DENND1A: variants seen among roughly 807,000 people sequenced by gnomAD.
The protein encoded by DENND1A is DENN domain containing 1A, also known as DENN domain-containing protein 1A.
In DENND1A, 51 loss-of-function variants were observed where a neutral mutation model predicts 113.7. That is an observed-to-expected ratio of 0.45 (90% confidence interval 0.36 to 0.57). The LOEUF is 0.57. DENND1A is among the 20% of genes least tolerant of loss of function. The pLI, the probability that DENND1A is intolerant of heterozygous loss-of-function variation, is 0.00. For synonymous variants in DENND1A, 565 were observed against 570.8 expected (o/e 0.99, Z 0.14); for missense variants, 1,258 against 1,395.9 (o/e 0.90, Z 1.57).
chr9:123,916,441 C>T (rs1341568483), intron 1 of DENND1A, among the ~76,000 whole-genome samples: 5 of 146,776 alleles, frequency 3.4e-5, no homozygotes, highest in Non-Finnish European at 4.4e-5. Context: ...GGCACAATCT[C>T]GGCTCACCGC....
At chr9:123,607,650 A>C (rs989490737) in intron 11 of DENND1A, among the ~76,000 whole-genome samples, 10 of 148,446 alleles carry the variant, frequency 6.7e-5, no homozygotes, top group African/African-American at 2.5e-4. Context: ...TCCAACTGGC[A>C]CTTTAAACTT....
chr9:123,856,302 A>G (rs660534), intron 2 of DENND1A, among the ~76,000 whole-genome samples: 44,314 of 151,976 alleles, frequency 0.29, 10,289 homozygotes, highest in African/African-American at 0.65. Context: ...TGGGGACTCA[A>G]AGTGCAACCA....
rs1244024192 is a variant in DENND1A, at chr9:123,553,270, C to T, written c.993+4300G>A. ...CCGTCTCAAAATAATAATAATAATACAATAGTAAAATAATTTTTTTTTAAA... is the reference window on the plus strand; with the variant it reads ...CCGTCTCAAAATAATAATAATAATATAATAGTAAAATAATTTTTTTTTAAA... On this transcript the variant is annotated intron_variant, in intron 13 of 23. Transcript: ENST00000394215. 3.3e-5 allele frequency among the ~76,000 whole-genome samples: 5 copies of T among 151,818 alleles called. No homozygotes were observed. The East Asian group carries it at 9.7e-4, about 29-fold the overall frequency.
intron 12 of DENND1A, among the ~76,000 whole-genome samples, chr9:123,564,980 C>CTGTT (rs2057969393): frequency 1.3e-5 from 1 of 75,746 alleles, no homozygotes; most frequent in Non-Finnish European, 2.5e-5. Context: ...TCTGTCCCTT[C>CTGTT]TTTTTTTTTT....
intron 19 of DENND1A, among the ~76,000 whole-genome samples, chr9:123,417,891 G>C (rs989777811): frequency 1.3e-5 from 2 of 151,958 alleles, no homozygotes; most frequent in African/African-American, 2.4e-5. Context: ...AGATTGGGGG[G>C]GGGGCAGTGG....
At chr9:123,903,647 T>C (rs1369636100) in intron 1 of DENND1A, among the ~76,000 whole-genome samples, 1 of 152,128 alleles carries the variant, frequency 6.6e-6, no homozygotes, top group Admixed American at 6.5e-5. Flanking sequence ...CCCACCCGAA[T>C]ATTGCGCTTT....
intron 2 of DENND1A, among the ~76,000 whole-genome samples, 164 bp downstream of exon 2, chr9:123,878,787 T>C (rs1847891890): frequency 6.6e-6 from 1 of 152,150 alleles, no homozygotes; most frequent in Admixed American, 6.5e-5. Context: ...GTGTTTTCAT[T>C]CTCCATTCTT....
chr9:123,884,874 C>T (rs755294102), intron 1 of DENND1A, among the ~76,000 whole-genome samples: 4 of 152,114 alleles, frequency 2.6e-5, no homozygotes, highest in African/African-American at 4.8e-5. Flanking sequence ...TATTCAATTG[C>T]TTTTTTGCCA....
chr9:123,877,597 G>A (rs528965395), intron 2 of DENND1A, among the ~76,000 whole-genome samples: 1 of 152,096 alleles, frequency 6.6e-6, no homozygotes, highest in Admixed American at 6.6e-5. Flanking sequence ...GCCGAGGTGG[G>A]TAGATCACCT....
chr9:123,898,013 A>G (rs1851040900), intron 1 of DENND1A, among the ~76,000 whole-genome samples: 1 of 152,042 alleles, frequency 6.6e-6, no homozygotes, highest in South Asian at 2.1e-4. Flanking sequence ...CAACAACTAA[A>G]AAAAATTTTT....
intron 2 of DENND1A, among the ~76,000 whole-genome samples, chr9:123,811,544 G>T (rs756354415): frequency 2.6e-5 from 4 of 152,196 alleles, no homozygotes; most frequent in Non-Finnish European, 5.9e-5. Flanking sequence ...CAGATCACAA[G>T]GTCAGGAGAT....
intron 6 of DENND1A, among the ~76,000 whole-genome samples, chr9:123,673,889 TTGCCATCCCTGCCTCCTTCCCTGTCCAGA>T (rs2063888429): frequency 6.6e-6 from 1 of 152,118 alleles, no homozygotes; most frequent in South Asian, 2.1e-4. Flanking sequence ...CACTCTTCTA[TTGCCATCCCTGCCTCCTTCCCTGTCCAGA>T]TGCCCTCCCT....
intron 1 of DENND1A, among the ~76,000 whole-genome samples, chr9:123,890,808 T>C (rs1280987058): frequency 2.0e-5 from 3 of 152,204 alleles, no homozygotes; most frequent in South Asian, 2.1e-4. Flanking sequence ...TTCTTGAATT[T>C]TTAAAATCAA....
chr9:123,878,161 C>T (rs1847789489), intron 2 of DENND1A, among the ~76,000 whole-genome samples: 1 of 151,530 alleles, frequency 6.6e-6, no homozygotes, highest in Non-Finnish European at 1.5e-5. Context: ...CAAGATCACG[C>T]CATTGCACTC....
chr9:123,902,857 A>G (rs1851924450), intron 1 of DENND1A, among the ~76,000 whole-genome samples: 1 of 151,814 alleles, frequency 6.6e-6, no homozygotes, highest in Non-Finnish European at 1.5e-5. Flanking sequence ...AAATCCGACA[A>G]GATTACAAAA....
chr9:123,740,201 T>C (rs2068888971), intron 5 of DENND1A, among the ~76,000 whole-genome samples: 1 of 152,192 alleles, frequency 6.6e-6, no homozygotes, highest in South Asian at 2.1e-4. Flanking sequence ...AAAAATCCTG[T>C]GCAAAACAGA....
chr9:123,884,987 G>A (rs1293729985), intron 1 of DENND1A, among the ~76,000 whole-genome samples: 2 of 133,962 alleles, frequency 1.5e-5, no homozygotes, highest in African/African-American at 3.2e-5. Context: ...CCTGACCTGC[G>A]AGCGCGCGCG....
intron 2 of DENND1A, among the ~76,000 whole-genome samples, chr9:123,805,340 T>C (rs749306451): frequency 6.6e-6 from 1 of 152,174 alleles, no homozygotes; most frequent in African/African-American, 2.4e-5. Context: ...ATATTTCATA[T>C]ACATAATGAG....
chr9:123,923,009 T>C (rs1856530564), intron 1 of DENND1A, among the ~76,000 whole-genome samples: 1 of 152,240 alleles, frequency 6.6e-6, no homozygotes, highest in African/African-American at 2.4e-5. Flanking sequence ...CTTGTTTATC[T>C]TTCCATGTCC....
Sources: gnomAD v4.1 joint callset for allele counts (sites outside exome capture counted in the v4.1 genomes callset) on GRCh38, gnomAD v4.1.1 for gene constraint, MANE v1.5 for transcripts, NCBI Gene and HGNC (gene_info 2026-07-23, HGNC 2026-07-21) for gene names.